CD2AP: variants seen among roughly 807,000 people sequenced by gnomAD.
CD2AP encodes the protein CD2 associated protein.
Under a neutral mutation model 85.1 loss-of-function variants are expected in CD2AP, and 46 were observed. The ratio of observed to expected loss-of-function variants is 0.54; its 90% CI spans 0.43 to 0.69. The LOEUF (loss-of-function observed/expected upper bound fraction) is 0.69. CD2AP is among the 30% of genes least tolerant of loss of function. The pLI, the probability that CD2AP is intolerant of heterozygous loss-of-function variation, is 0.00. For missense variants in CD2AP, 769 were observed against 729.5 expected (o/e 1.05, Z -0.62); for synonymous variants, 255 against 252.9 (o/e 1.01, Z -0.08).
chr6:47,595,972 C>G lies in CD2AP; in HGVS notation c.1220C>G (p.Thr407Arg), dbSNP rs1485376538. The G allele has an allele frequency of 1.9e-6, 3 of 1,612,528 alleles. No individual in the cohort carries two copies. Among genetic ancestry groups the G allele is most frequent in the Non-Finnish European group, 2.5e-6 (3 of 1,178,882 alleles). ...KASNLLRSSG[T>R]VYPKRPEKPV... ...AGTAATTTACTGAGATCTTCTGGAA[C>G]AGTGTACCCAAAGCGACCTGAAAAA... The change falls in exon 12 of 18, where the codon ACA becomes AGA. Residue 407 changes from threonine (T) to arginine (R), a missense_variant. Transcript: ENST00000359314.
In CD2AP at chr6:47,626,145, A is replaced by C. The variant is rs576753032; in HGVS notation, c.*1918A>C. ...TCCAGCAGATTTCAGGCTGTTCTTA[A>C]AGTTTTTGTTGGTCATTTTCTCAAT... is the stretch of plus-strand genomic sequence containing the variant. On this transcript the variant is annotated 3_prime_UTR_variant, in exon 18 of 18. Coordinates refer to ENST00000359314, the MANE Select transcript of CD2AP (RefSeq NM_012120.3). 25 of 152,006 alleles carry C rather than the reference A, an allele frequency of 1.6e-4. No homozygotes were observed. In the East Asian group the frequency reaches 4.8e-3, roughly 29 times the overall value. 9.4% of individuals were successfully genotyped at this position (152,006 alleles called of 1,614,324 possible).
At chr6:47,577,912 A>G (rs771773577) in intron 8 of CD2AP, among the ~76,000 whole-genome samples, 1 of 152,166 alleles carries the variant, frequency 6.6e-6, no homozygotes. Flanking sequence ...ATAAGATGTC[A>G]TAGTGTATAT....
At chr6:47,529,004 G>A (rs1766800709) in intron 2 of CD2AP, among the ~76,000 whole-genome samples, 4 of 152,236 alleles carry the variant, frequency 2.6e-5, no homozygotes, top group Admixed American at 2.6e-4. Context: ...CATCTGAGCA[G>A]TTGCCCAAGT....
Position 47,609,210 on chromosome 6 carries a change from G to T in CD2AP, c.1720G>T (p.Glu574Ter). 1 of 1,613,050 alleles carries T rather than the reference G, an allele frequency of 6.2e-7. No individual in the cohort carries two copies. The highest frequency in any genetic ancestry group is 8.5e-7 in the Non-Finnish European group (1 of 1,179,302). ...TCCATTAGAAATCAAAGCTAAAGTG[G>T]AAACAGATGATGTGAAAAAAAATTC... is the stretch of plus-strand genomic sequence containing the variant. ...LTPLEIKAKV[E>*]TDDVKKNSLD... Residue 574 changes from glutamate to a stop codon, truncating the protein, a stop_gained, in exon 16 of 18, where the codon GAA (glutamate) becomes TAA (stop). Coordinates refer to ENST00000359314, the MANE Select transcript of CD2AP (RefSeq NM_012120.3). LOFTEE classifies it high-confidence loss of function.
At chr6:47,520,502 T>C (rs1345680555) in intron 2 of CD2AP, among the ~76,000 whole-genome samples, 1 of 152,130 alleles carries the variant, frequency 6.6e-6, no homozygotes, top group African/African-American at 2.4e-5. Context: ...CCATATGGCC[T>C]CCGCTGACAG....
At chr6:47,484,146 A>G (rs1205040873) in intron 1 of CD2AP, among the ~76,000 whole-genome samples, 1 of 152,036 alleles carries the variant, frequency 6.6e-6, no homozygotes, top group Non-Finnish European at 1.5e-5. Flanking sequence ...ATTTTGGCTT[A>G]CGTTAGGTAG....
chr6:47,571,862 A>G (rs1207060631), intron 5 of CD2AP, among the ~76,000 whole-genome samples: 17 of 152,130 alleles, frequency 1.1e-4, no homozygotes, highest in African/African-American at 3.6e-4. Context: ...CTCTAATCCT[A>G]CCCTAAAAAA....
At chr6:47,562,801 T>C (rs1767896684) in intron 5 of CD2AP, 2 of 1,155,072 alleles carry the variant, frequency 1.7e-6, no homozygotes, top group Non-Finnish European at 2.6e-6. Flanking sequence ...TGAGCCTTTG[T>C]ATGTCAAGTT....
At chr6:47,553,063 C>A (rs1438376666) in intron 4 of CD2AP, among the ~76,000 whole-genome samples, 1 of 151,478 alleles carries the variant, frequency 6.6e-6, no homozygotes, top group African/African-American at 2.4e-5. Context: ...GTTATAGTAC[C>A]TCTTAAATTG....
intron 4 of CD2AP, among the ~76,000 whole-genome samples, chr6:47,547,004 C>A (rs1767381621): frequency 6.6e-6 from 1 of 152,152 alleles, no homozygotes; most frequent in African/African-American, 2.4e-5. Context: ...GAAGCCAGTA[C>A]TGCAAGAACT....
chr6:47,493,700 T>C (rs1765788413), intron 1 of CD2AP, among the ~76,000 whole-genome samples: 1 of 152,178 alleles, frequency 6.6e-6, no homozygotes, highest in Admixed American at 6.5e-5. Context: ...TTTATACCTC[T>C]TGAAGTTTTT....
intron 1 of CD2AP, among the ~76,000 whole-genome samples, chr6:47,486,107 C>T (rs1329611783): frequency 2.0e-5 from 3 of 152,158 alleles, no homozygotes; most frequent in Non-Finnish European, 2.9e-5. Flanking sequence ...AAAGAAGCTG[C>T]TGGTGAGAGT....
At chr6:47,544,892 A>C (rs1215125009) in intron 4 of CD2AP, 186 bp downstream of exon 4, 2 of 513,924 alleles carry the variant, frequency 3.9e-6, no homozygotes, top group African/African-American at 1.9e-5. Flanking sequence ...TGCCTTTAGG[A>C]ATAAAAATGC....
chr6:47,497,217 T>C (rs907537222), intron 1 of CD2AP, among the ~76,000 whole-genome samples: 2 of 151,650 alleles, frequency 1.3e-5, no homozygotes, highest in South Asian at 4.2e-4. Context: ...TGCTTTCCCC[T>C]TTTTCCTTTC....
intron 1 of CD2AP, among the ~76,000 whole-genome samples, chr6:47,492,347 CTTTTTT>C (rs70999626): frequency 5.2e-5 from 5 of 95,522 alleles, no homozygotes; most frequent in Non-Finnish European, 9.7e-5. Flanking sequence ...CACCTGTAAT[CTTTTTT>C]TTTTTTTTTT....
In CD2AP at chr6:47,577,102, A is replaced by G; in HGVS notation, c.902A>G (p.Lys301Arg). The G allele has an allele frequency of 6.8e-7, 1 of 1,465,332 alleles. No homozygotes were observed. The highest frequency in any genetic ancestry group is 9.6e-7 in the Non-Finnish European group (1 of 1,045,196). The allele number at this position is 1,465,332 out of a possible 1,614,324, so 90.8% of individuals were successfully genotyped here. ...KEGEIIHLIS[K>R]ETGEAGWWRG... The stretch of plus-strand genomic sequence containing the variant: ...GGGGAGATAATCCATTTGATAAGTA[A>G]GGTAAGGTGTTTCTGTTTTTCAGTG... Residue 301 changes from lysine (K) to arginine (R), a missense_variant and splice_region_variant, in exon 8 of 18, where the codon AAG becomes AGG. Coordinates refer to ENST00000359314, the MANE Select transcript of CD2AP (RefSeq NM_012120.3).
Position 47,599,301 on chromosome 6 carries a change from G to A in CD2AP, c.1275G>A (p.Lys425=), listed in dbSNP as rs1173259038. ...TTTGCGTGTTTTTTTCTTATTTCAG[G>A]ATTAATGGGGAAGTTTCTAGCATTT... ...KPVPPPPPIA[K]INGEVSSISS... The change falls in exon 13 of 18, where the codon AAG becomes AAA. Residue 425 remains lysine, a splice_region_variant and synonymous_variant. Coordinates refer to ENST00000359314, the MANE Select transcript of CD2AP (RefSeq NM_012120.3). 1 of 1,611,312 alleles carries A rather than the reference G, an allele frequency of 6.2e-7. No homozygotes were observed. The highest frequency in any genetic ancestry group is 2.2e-5 in the East Asian group (1 of 44,760).
At chr6:47,605,747 G>A (rs995290055) in intron 13 of CD2AP, among the ~76,000 whole-genome samples, 1 of 151,960 alleles carries the variant, frequency 6.6e-6, no homozygotes, top group African/African-American at 2.4e-5. Context: ...ACTTCTTGAA[G>A]TTCAAAACAA....
At chr6:47,507,644 A>C (rs914317159) in intron 2 of CD2AP, among the ~76,000 whole-genome samples, 2 of 152,084 alleles carry the variant, frequency 1.3e-5, no homozygotes, top group Admixed American at 6.5e-5. Flanking sequence ...ATGGGCTTTC[A>C]CTATGTTGGC....
Sources: allele counts gnomAD v4.1 joint callset (sites outside exome capture counted in the v4.1 genomes callset), GRCh38; gene constraint gnomAD v4.1.1; transcripts MANE v1.5; gene names NCBI Gene and HGNC (gene_info 2026-07-23, HGNC 2026-07-21).